Variants in RFX3 observed in about 807,000 individuals in gnomAD.
The protein encoded by RFX3 is regulatory factor X3.
RFX3 carries 14 observed loss-of-function variants against 98.6 expected under a neutral mutation model. That is an observed-to-expected ratio of 0.14 (90% CI 0.09 to 0.22). The LOEUF is 0.22. RFX3 is among the 10% of genes least tolerant of loss of function. The pLI, the probability that RFX3 is intolerant of heterozygous loss-of-function variation, is 1.00. For synonymous variants in RFX3, 383 were observed against 328.4 expected (o/e 1.17, Z -1.80); for missense variants, 639 against 926.9 (o/e 0.69, Z 4.03).
Position 3,234,993 on chromosome 9 carries a change from A to G in RFX3, c.1969-6104T>C, listed in dbSNP as rs953701994. ...AAGACAGAAATGAGTGAGAAAAATC[A>G]TCTTCCTCCACTTTCGCTGGGTACT... On this transcript the variant is annotated intron_variant, in intron 15 of 16. Transcript: ENST00000617270. Among the ~76,000 whole-genome samples, 3 of 152,244 alleles carry G rather than the reference A, an allele frequency of 2.0e-5. No homozygotes were observed. The East Asian group carries it at 5.8e-4, about 29-fold the overall frequency.
At chr9:3,422,630 C>A (rs1843555025) in intron 1 of RFX3, among the ~76,000 whole-genome samples, 1 of 152,118 alleles carries the variant, frequency 6.6e-6, no homozygotes, top group Non-Finnish European at 1.5e-5. Context: ...TAAGAAGACT[C>A]CAAAATAAGT....
intron 1 of RFX3, among the ~76,000 whole-genome samples, chr9:3,463,818 A>G (rs1285708104): frequency 6.6e-6 from 1 of 151,988 alleles, no homozygotes; most frequent in East Asian, 1.9e-4. Context: ...CAAAAAGTTA[A>G]AAAAAATTAG....
At chr9:3,247,999 C>A (rs2130958535) in intron 15 of RFX3, 33 bp downstream of exon 15, 1 of 1,613,888 alleles carries the variant, frequency 6.2e-7, no homozygotes, top group Non-Finnish European at 8.5e-7. Context: ...TTTTAATAAC[C>A]CAGTGGGTCA....
chr9:3,363,045 A>T (rs1277548197), intron 2 of RFX3, among the ~76,000 whole-genome samples: 1 of 152,236 alleles, frequency 6.6e-6, no homozygotes, highest in Non-Finnish European at 1.5e-5. Flanking sequence ...TATCAGGATT[A>T]TAACACTGTA....
At chr9:3,347,720 G>A (rs576325791) in intron 2 of RFX3, among the ~76,000 whole-genome samples, 1 of 152,088 alleles carries the variant, frequency 6.6e-6, no homozygotes, top group Non-Finnish European at 1.5e-5. Flanking sequence ...TAGCTGCTTG[G>A]GAGGCTGAGA....
chr9:3,431,459 T>TA lies in RFX3; in HGVS notation c.-8-35864dup, dbSNP rs538804198. 1.2e-3 allele frequency among the ~76,000 whole-genome samples: 184 copies of TA among 151,930 alleles called. 1 individual carries two copies. The highest frequency in any genetic ancestry group is 6.8e-3 in the Middle Eastern group (2 of 294). On this transcript the variant is annotated intron_variant, in intron 1 of 16. Coordinates refer to ENST00000617270, the MANE Select transcript of RFX3 (RefSeq NM_001282116.2). ...GCATGAACACAGCATAAGAATGATT[T>TA]AAAAAAAAGAAAAGAAAATTTATGA...
intron 2 of RFX3, among the ~76,000 whole-genome samples, chr9:3,376,992 G>A (rs1264122696): frequency 9.9e-5 from 15 of 152,182 alleles, no homozygotes; most frequent in Non-Finnish European, 4.4e-5. Flanking sequence ...TTACACTGTT[G>A]GTGGGACTGT....
intron 2 of RFX3, among the ~76,000 whole-genome samples, chr9:3,380,865 C>T (rs892508067): frequency 6.6e-6 from 1 of 152,084 alleles, no homozygotes; most frequent in Non-Finnish European, 1.5e-5. Context: ...TTATACTGAA[C>T]ATTTTTATAC....
chr9:3,280,003 T>C lies in RFX3; in HGVS notation c.852-2542A>G, dbSNP rs530582373. On this transcript the variant is annotated intron_variant, in intron 7 of 16. Transcript: ENST00000617270. ...CAGTACTTAGGAAAAGATTTTATAATACACAGTTGAAATAAAGAAAAACAC... is the reference window on the plus strand; with the variant it reads ...CAGTACTTAGGAAAAGATTTTATAACACACAGTTGAAATAAAGAAAAACAC... Among the ~76,000 whole-genome samples the C allele has an allele frequency of 2.0e-5, 3 of 151,854 alleles. No homozygotes were observed. The South Asian group carries it at 6.2e-4, about 32-fold the overall frequency.
At chr9:3,369,143 C>T (rs1837530825) in intron 2 of RFX3, among the ~76,000 whole-genome samples, 1 of 152,188 alleles carries the variant, frequency 6.6e-6, no homozygotes, top group East Asian at 1.9e-4. Flanking sequence ...TGGAACTATT[C>T]GTTTTAGTCC....
chr9:3,374,585 T>C (rs760132242), intron 2 of RFX3, among the ~76,000 whole-genome samples: 2 of 152,196 alleles, frequency 1.3e-5, no homozygotes, highest in African/African-American at 2.4e-5. Context: ...TTTGAGGACA[T>C]TTCGCTAACT....
rs967820077 is a variant in RFX3, at chr9:3,378,162, G to A, written c.117+17310C>T. ...ATAAATCCATGTGTCAAAAATCTTA[G>A]TATTTGGAATTTTAGAGCCAACTTC... On this transcript the variant is annotated intron_variant, in intron 2 of 16. Transcript: ENST00000617270. 7.2e-5 allele frequency among the ~76,000 whole-genome samples: 11 copies of A among 152,126 alleles called. No homozygotes were observed. The East Asian group carries it at 1.9e-3, about 27-fold the overall frequency.
chr9:3,434,616 T>C (rs1053690637), intron 1 of RFX3, among the ~76,000 whole-genome samples: 7 of 152,112 alleles, frequency 4.6e-5, no homozygotes, highest in Non-Finnish European at 1.0e-4. Flanking sequence ...CATCCTTCCC[T>C]AATCTTTCAA....
intron 11 of RFX3, among the ~76,000 whole-genome samples, chr9:3,270,082 GA>G (rs1824196952): frequency 4.0e-4 from 1 of 2,500 alleles, no homozygotes; most frequent in Non-Finnish European, 3.1e-3. Flanking sequence ...GAGAAAGAAG[GA>G]AAGAAAGAAA....
At chr9:3,413,380 C>T (rs1309595942) in intron 1 of RFX3, among the ~76,000 whole-genome samples, 1 of 152,022 alleles carries the variant, frequency 6.6e-6, no homozygotes, top group Non-Finnish European at 1.5e-5. Flanking sequence ...GATATACAAT[C>T]AAACTATTTT....
rs1484813389 is a variant in RFX3 at position 3,423,809 on chromosome 9, A to ATATATC, written c.-8-28214_-8-28213insGATATA. Among the ~76,000 whole-genome samples the ATATATC allele has an allele frequency of 3.6e-5, 5 of 138,934 alleles. 1 individual carries two copies. Among genetic ancestry groups the ATATATC allele is most frequent in the African/African-American group, 5.3e-5 (2 of 37,812 alleles). 91.1% of individuals were successfully genotyped at this position (138,934 alleles called of 152,430 possible). A position where few individuals can be genotyped will look rare whatever the true frequency, so the allele number is the denominator to read the frequency against. On this transcript the variant is annotated intron_variant, in intron 1 of 16. Transcript: ENST00000617270. ...TATATATATATATATATATATATAT[A>ATATATC]TATCTTAAGGTAATTTTTAAAAAGA...
At chr9:3,499,748 A>AT (rs1815772272) in intron 1 of RFX3, among the ~76,000 whole-genome samples, 1 of 152,144 alleles carries the variant, frequency 6.6e-6, no homozygotes, top group Non-Finnish European at 1.5e-5. Flanking sequence ...CTATCATAAA[A>AT]TACCAAAGAC....
chr9:3,367,179 C>T (rs1047611057), intron 2 of RFX3, among the ~76,000 whole-genome samples: 1 of 152,118 alleles, frequency 6.6e-6, no homozygotes, highest in East Asian at 1.9e-4. Flanking sequence ...TGCTCTAGCC[C>T]ATGAGTCCTT....
intron 15 of RFX3, among the ~76,000 whole-genome samples, chr9:3,233,564 G>C (rs990169049): frequency 2.6e-5 from 4 of 152,196 alleles, no homozygotes; most frequent in African/African-American, 7.2e-5. Context: ...GACTGGAACA[G>C]AAGTAGGAGA....
Sources: gnomAD v4.1 joint callset for allele counts (sites outside exome capture counted in the v4.1 genomes callset) on GRCh38, gnomAD v4.1.1 for gene constraint, MANE v1.5 for transcripts, NCBI Gene and HGNC (gene_info 2026-07-23, HGNC 2026-07-21) for gene names.